Variants in ZDHHC18 observed in about 807,000 individuals in gnomAD.
ZDHHC18 encodes the protein zDHHC palmitoyltransferase 18, also known as palmitoyltransferase ZDHHC18.
ZDHHC18 carries 23 observed loss-of-function variants against 37.5 expected under a neutral mutation model. The observed-to-expected ratio is 0.61, with a 90% CI of 0.44 to 0.87. The LOEUF (loss-of-function observed/expected upper bound fraction) is 0.87, where lower values mean the gene tolerates loss of function less well. Ranked by LOEUF, ZDHHC18 falls within the 40% of genes least tolerant of loss-of-function variation. The pLI, the probability that ZDHHC18 is intolerant of heterozygous loss-of-function variation, is 0.00. For synonymous variants in ZDHHC18, 185 were observed against 218.7 expected, an observed-to-expected ratio of 0.85 and a Z score of 1.36; for missense variants, 406 against 525.6, an observed-to-expected ratio of 0.77 and a Z score of 2.22.
intron 1 of ZDHHC18, among the ~76,000 whole-genome samples, chr1:26,830,846 G>C (rs1303172727): frequency 6.6e-6 from 1 of 152,096 alleles, no homozygotes; most frequent in East Asian, 1.9e-4. Flanking sequence ...GCAATGGCAC[G>C]ATCTCGGCTC....
At chr1:26,848,468 T>C in intron 2 of ZDHHC18, 140 bp from the exon 3 acceptor site, 1 of 1,128,220 alleles carries the variant, frequency 8.9e-7, no homozygotes, top group Non-Finnish European at 1.3e-6. Flanking sequence ...CCAGACATTT[T>C]ACTCCAATGT....
At chr1:26,831,552 G>A (rs997932412) in intron 1 of ZDHHC18, among the ~76,000 whole-genome samples, 17 of 152,160 alleles carry the variant, frequency 1.1e-4, no homozygotes, top group African/African-American at 3.9e-4. Context: ...CATAGAGAGA[G>A]AGCCCTGATA....
intron 1 of ZDHHC18, among the ~76,000 whole-genome samples, chr1:26,831,139 A>T (rs1030659103): frequency 3.3e-5 from 5 of 152,222 alleles, no homozygotes; most frequent in Non-Finnish European, 7.3e-5. Flanking sequence ...GCTGAAATCT[A>T]TACTAAATGT....
Position 26,850,388 on chromosome 1 carries a change from C to T in ZDHHC18, c.734C>T (p.Ser245Leu). ...RFFYAFILSL[S>L]FLTAFIFACV... ...TTCTACGCGTTTATTCTCTCCCTCT[C>T]ATTCCTGACGGCCTTCATCTTCGCC... is the stretch of plus-strand genomic sequence containing the variant. The change falls in exon 4 of 8, where the codon TCA becomes TTA. Residue 245 changes from serine to leucine, a missense_variant. By Grantham distance (145) the Ser-to-Leu change is moderately radical. Coordinates refer to ENST00000374142, the MANE Select transcript of ZDHHC18 (RefSeq NM_032283.3). This position sits in a 1 kb window ranked among gnomAD's most constrained non-coding sequence, Gnocchi z 6.1. 1.9e-6 allele frequency: 3 copies of T among 1,614,274 alleles called. No homozygotes were observed. The highest frequency in any genetic ancestry group is 8.5e-7 in the Non-Finnish European group (1 of 1,180,052).
rs569996357 is a variant in ZDHHC18 at position 26,850,864 on chromosome 1, C to T, written c.833+258C>T. Among the ~76,000 whole-genome samples, 8 of 152,304 alleles carry T rather than the reference C, an allele frequency of 5.3e-5. No individual in the cohort carries two copies. Among genetic ancestry groups the T allele is most frequent in the Admixed American group, 2.0e-4 (3 of 15,302 alleles). On this transcript the variant is annotated intron_variant, in intron 5 of 7. Coordinates refer to ENST00000374142, the MANE Select transcript of ZDHHC18 (RefSeq NM_032283.3). The surrounding 1 kb of genome is among the most constrained non-coding windows in gnomAD (Gnocchi z 6.1). The stretch of plus-strand genomic sequence containing the variant: ...AGATGCCAAGCTCCCTGGACCGTGT[C>T]GTGCCCAAGGCTCTTTGTGATTGGA...
rs1050566791 is a variant in ZDHHC18, at chr1:26,848,617, G to A, written c.506G>A (p.Gly169Asp). The change falls in exon 3 of 8, where the codon GGC becomes GAC. Residue 169 changes from glycine (G) to aspartate (D), a missense_variant. Coordinates refer to ENST00000374142, the MANE Select transcript of ZDHHC18 (RefSeq NM_032283.3). ...AALEKQIDNT[G>D]SSTYRPPPRT... is the part of the protein sequence containing the mutation. ...CTCCTCCTTCCCTCAGACAACACAG[G>A]CAGTTCTACATACCGGCCACCCCCT... 6 of 1,611,944 alleles carry A rather than the reference G, an allele frequency of 3.7e-6. No individual in the cohort carries two copies. Among genetic ancestry groups the A allele is most frequent in the Non-Finnish European group, 3.4e-6 (4 of 1,178,122 alleles).
In ZDHHC18 at chr1:26,850,486, A is replaced by G. The variant is rs776906719; in HGVS notation, c.784+48A>G. The G allele has an allele frequency of 2.5e-6, 4 of 1,614,074 alleles. No individual in the cohort carries two copies. Among genetic ancestry groups the G allele is most frequent in the Non-Finnish European group, 3.4e-6 (4 of 1,180,024 alleles). On this transcript the variant is annotated intron_variant, in intron 4 of 7. Transcript: ENST00000374142. This position sits in a 1 kb window ranked among gnomAD's most constrained non-coding sequence, Gnocchi z 6.1. ...GGGGAGTGGAAGGGGTCAGCCAGCA[A>G]GCTCAAGGGTCAGCAAGCTTCAGCA...
Position 26,829,864 on chromosome 1 carries a change from G to A in ZDHHC18, c.336-2583G>A, listed in dbSNP as rs146756558. On this transcript the variant is annotated intron_variant, in intron 1 of 7. Transcript: ENST00000374142. ...GCTGTTAGCCTCTGGCAAATCAGGA[G>A]GCTAGGACTTGGTGGTTCCTGCAGG... Among the ~76,000 whole-genome samples the A allele has an allele frequency of 1.1e-3, 170 of 152,310 alleles. No homozygotes were observed. In the Middle Eastern group the frequency reaches 0.014, roughly 12 times the overall value.
intron 2 of ZDHHC18, among the ~76,000 whole-genome samples, chr1:26,839,894 C>G (rs968436319): frequency 2.0e-5 from 3 of 152,198 alleles, no homozygotes; most frequent in Non-Finnish European, 2.9e-5. Flanking sequence ...GGGAGAGCTG[C>G]TTGTCTTCCC....
chr1:26,843,228 C>T (rs1206660640), intron 2 of ZDHHC18, among the ~76,000 whole-genome samples: 2 of 151,132 alleles, frequency 1.3e-5, no homozygotes, highest in Middle Eastern at 3.2e-3. Flanking sequence ...CTGCAACCTC[C>T]ACCTCCCGAG....
rs114924575 is a variant in ZDHHC18, at chr1:26,850,865, G to A, written c.833+259G>A. On this transcript the variant is annotated intron_variant, in intron 5 of 7. Transcript: ENST00000374142. This position sits in a 1 kb window ranked among gnomAD's most constrained non-coding sequence, Gnocchi z 6.1. ...GATGCCAAGCTCCCTGGACCGTGTC[G>A]TGCCCAAGGCTCTTTGTGATTGGAA... 1.9e-3 allele frequency among the ~76,000 whole-genome samples: 296 copies of A among 152,270 alleles called. No individual in the cohort carries two copies. Among genetic ancestry groups the A allele is most frequent in the African/African-American group, 6.9e-3 (285 of 41,570 alleles).
At chr1:26,835,135 C>T (rs758056556) in intron 2 of ZDHHC18, among the ~76,000 whole-genome samples, 8 of 152,108 alleles carry the variant, frequency 5.3e-5, no homozygotes, top group Non-Finnish European at 1.2e-4. Context: ...GAGAGAGTGG[C>T]AGAGGGAAGG....
intron 2 of ZDHHC18, among the ~76,000 whole-genome samples, chr1:26,840,672 C>T (rs2081634471): frequency 6.6e-6 from 1 of 152,116 alleles, no homozygotes; most frequent in Non-Finnish European, 1.5e-5. Flanking sequence ...GAACTCCTGA[C>T]CTCAGGTGAT....
intron 2 of ZDHHC18, among the ~76,000 whole-genome samples, chr1:26,834,181 G>T (rs1557640743): frequency 6.6e-6 from 1 of 152,212 alleles, no homozygotes; most frequent in Non-Finnish European, 1.5e-5. Flanking sequence ...GGACCCAGAG[G>T]TCTGGCTGCC....
rs61786519 is a variant in ZDHHC18, at chr1:26,856,553, G to A, written c.*2710G>A. The A allele has an allele frequency of 0.067, 13,549 of 202,998 alleles. 653 individuals are homozygous for A. The highest frequency in any genetic ancestry group is 0.12 in the Middle Eastern group (53 of 436). 12.6% of individuals were successfully genotyped at this position (202,998 alleles called of 1,614,324 possible). The stretch of plus-strand genomic sequence containing the variant: ...AGGGTGAGGCTGGGGAGAGGATGGC[G>A]AACCTGCCCTGAGGTGCTTGGGTCT... On this transcript the variant is annotated 3_prime_UTR_variant, in exon 8 of 8. Transcript: ENST00000374142. The surrounding 1 kb of genome is among the most constrained non-coding windows in gnomAD (Gnocchi z 5.2).
chr1:26,833,045 C>T (rs943586351), intron 2 of ZDHHC18, among the ~76,000 whole-genome samples: 1 of 152,220 alleles, frequency 6.6e-6, no homozygotes, highest in Non-Finnish European at 1.5e-5. Flanking sequence ...TGCTCTTAAA[C>T]ATTCATATAC....
At chr1:26,836,971 G>C (rs949034641) in intron 2 of ZDHHC18, among the ~76,000 whole-genome samples, 2 of 147,420 alleles carry the variant, frequency 1.4e-5, no homozygotes, top group African/African-American at 4.9e-5. Context: ...AAATGCAGCT[G>C]GGCGCAGTGG....
chr1:26,854,114 C>G lies in ZDHHC18; in HGVS notation c.*271C>G. 1 of 446,924 alleles carries G rather than the reference C, an allele frequency of 2.2e-6. No homozygotes were observed. 27.7% of individuals were successfully genotyped at this position (446,924 alleles called of 1,614,324 possible). On this transcript the variant is annotated 3_prime_UTR_variant, in exon 8 of 8. Coordinates refer to ENST00000374142, the MANE Select transcript of ZDHHC18 (RefSeq NM_032283.3). The surrounding 1 kb of genome is among the most constrained non-coding windows in gnomAD (Gnocchi z 4.6). ...TCTGGAGGCTACCCAGGGGACCACA[C>G]CAAGTCCTTGCCTGTGCCGGGCGAG... is the stretch of plus-strand genomic sequence containing the variant.
At chr1:26,843,633 T>C (rs1307857263) in intron 2 of ZDHHC18, among the ~76,000 whole-genome samples, 1 of 151,120 alleles carries the variant, frequency 6.6e-6, no homozygotes, top group African/African-American at 2.4e-5. Flanking sequence ...TACAAAAAAA[T>C]ACAAAAATTA....
Sources: gnomAD v4.1 joint callset for allele counts (sites outside exome capture counted in the v4.1 genomes callset) on GRCh38, gnomAD v4.1.1 for gene constraint, Gnocchi (gnomAD v3.1) non-coding constraint, MANE v1.5 for transcripts, NCBI Gene and HGNC (gene_info 2026-07-23, HGNC 2026-07-21) for gene names.